Variants in DSCAM observed in about 807,000 individuals in gnomAD.
The protein encoded by DSCAM is DS cell adhesion molecule, also known as cell adhesion molecule DSCAM.
In DSCAM, 47 loss-of-function variants were observed where a neutral mutation model predicts 217.7. The ratio of observed to expected loss-of-function variants is 0.22; its 90% CI spans 0.17 to 0.28. DSCAM has a LOEUF of 0.28. DSCAM is among the 10% of genes least tolerant of loss of function. DSCAM has a pLI of 1.00. For missense variants in DSCAM, 2,080 were observed against 2,618.3 expected (o/e 0.79, Z 4.49); for synonymous variants, 1,056 against 1,015.3 (o/e 1.04, Z -0.76).
intron 3 of DSCAM, among the ~76,000 whole-genome samples, chr21:40,647,393 A>G (rs2089960615): frequency 6.6e-6 from 1 of 152,232 alleles, no homozygotes; most frequent in Non-Finnish European, 1.5e-5. Flanking sequence ...ATTAAATGTT[A>G]TGAAACAATA....
chr21:40,386,619 C>A (rs2075088375), intron 3 of DSCAM, among the ~76,000 whole-genome samples: 1 of 152,210 alleles, frequency 6.6e-6, no homozygotes, highest in Admixed American at 6.5e-5. Context: ...GATCTGGCAC[C>A]ACCTTAACAC....
intron 16 of DSCAM, among the ~76,000 whole-genome samples, chr21:40,148,751 C>G (rs1489309701): frequency 3.9e-5 from 6 of 152,042 alleles, no homozygotes; most frequent in Non-Finnish European, 5.9e-5. Context: ...ATCATCACCA[C>G]CAGCTTCATC....
At chr21:40,699,939 C>A (rs1373280342) in intron 2 of DSCAM, among the ~76,000 whole-genome samples, 3 of 152,090 alleles carry the variant, frequency 2.0e-5, no homozygotes, top group African/African-American at 7.2e-5. Flanking sequence ...CAGAAGATAT[C>A]CTTCTATTAA....
chr21:40,533,607 ATCCATCCAT>A (rs2076470092), intron 3 of DSCAM, among the ~76,000 whole-genome samples: 4 of 149,302 alleles, frequency 2.7e-5, no homozygotes, highest in African/African-American at 1.0e-4. Flanking sequence ...CTGTCTGTCC[ATCCATCCAT>A]CCATCCATCC....
intron 1 of DSCAM, among the ~76,000 whole-genome samples, chr21:40,753,474 T>C (rs2091247546): frequency 6.6e-6 from 1 of 152,182 alleles, no homozygotes; most frequent in South Asian, 2.1e-4. Flanking sequence ...AAGCAACACA[T>C]TTATACAAAG....
Position 40,484,784 on chromosome 21 carries a change from G to A in DSCAM, c.509-115539C>T, listed in dbSNP as rs751009920. Among the ~76,000 whole-genome samples the A allele has an allele frequency of 7.1e-4, 108 of 152,126 alleles. 1 individual carries two copies. The highest frequency in any genetic ancestry group is 3.2e-3 in the Middle Eastern group (1 of 316). ...GCTGTGGTTACCTGTTTTATACAGG[G>A]AGATGTAGGATGAGGACAATTGCCA... is the stretch of plus-strand genomic sequence containing the variant. On this transcript the variant is annotated intron_variant, in intron 3 of 32. Transcript: ENST00000400454.
At chr21:40,026,038 T>G (rs57237141) in intron 32 of DSCAM, among the ~76,000 whole-genome samples, 11,485 of 141,604 alleles carry the variant, frequency 0.081, 1,963 homozygotes, top group East Asian at 0.41. Flanking sequence ...TACACACTGC[T>G]TTGAATGCGT....
In DSCAM at chr21:40,144,826, T is replaced by C. The variant is rs2090335959; in HGVS notation, c.3019-95A>G. 1 of 1,546,460 alleles carries C rather than the reference T, an allele frequency of 6.5e-7. No homozygotes were observed. Among genetic ancestry groups the C allele is most frequent in the Non-Finnish European group, 8.8e-7 (1 of 1,142,584 alleles). ...CCCACGTAGGAAAGCAGAAATAAAG[T>C]GGAGTCATCGCCACGATGCTGGGGC... is the stretch of plus-strand genomic sequence containing the variant. On this transcript the variant is annotated intron_variant, in intron 16 of 32. Coordinates refer to ENST00000400454, the MANE Select transcript of DSCAM (RefSeq NM_001389.5). The surrounding 1 kb of genome is among the most constrained non-coding windows in gnomAD (Gnocchi z 4.8).
At chr21:40,227,280 C>G (rs568802379) in intron 11 of DSCAM, among the ~76,000 whole-genome samples, 175 of 152,300 alleles carry the variant, frequency 1.1e-3, no homozygotes, top group African/African-American at 4.0e-3. Flanking sequence ...AGGCTTCGAG[C>G]TTTTCCAGAA....
At chr21:40,387,181 G>A (rs1157218333) in intron 3 of DSCAM, among the ~76,000 whole-genome samples, 2 of 152,126 alleles carry the variant, frequency 1.3e-5, no homozygotes, top group African/African-American at 4.8e-5. Context: ...GGAAGAGGGG[G>A]GGTGAATACC....
intron 11 of DSCAM, among the ~76,000 whole-genome samples, chr21:40,258,982 G>A (rs141368315): frequency 6.6e-6 from 1 of 152,224 alleles, no homozygotes; most frequent in African/African-American, 2.4e-5. Context: ...TCTGCAGAAA[G>A]TAAAAATGGC....
intron 19 of DSCAM, among the ~76,000 whole-genome samples, chr21:40,124,767 T>C (rs942895047): frequency 2.6e-5 from 4 of 152,144 alleles, no homozygotes; most frequent in African/African-American, 9.7e-5. Flanking sequence ...GATTTTGGAC[T>C]TCTGGCCTCC....
chr21:40,669,033 A>G (rs1568973896), intron 3 of DSCAM, among the ~76,000 whole-genome samples: 4 of 152,134 alleles, frequency 2.6e-5, no homozygotes, highest in South Asian at 2.1e-4. Flanking sequence ...GGGATTGCGT[A>G]TTTCTCTTAT....
At chr21:40,212,718 A>G (rs2091197814) in intron 11 of DSCAM, among the ~76,000 whole-genome samples, 2 of 152,212 alleles carry the variant, frequency 1.3e-5, no homozygotes, top group South Asian at 4.1e-4. Context: ...AAATATATCA[A>G]CATCCCAACC....
chr21:40,439,713 T>C (rs985620063), intron 3 of DSCAM, among the ~76,000 whole-genome samples: 1 of 152,224 alleles, frequency 6.6e-6, no homozygotes, highest in Non-Finnish European at 1.5e-5. Flanking sequence ...CTCACAGTTA[T>C]GATGGCAGGC....
intron 3 of DSCAM, among the ~76,000 whole-genome samples, chr21:40,619,504 AAATAT>A (rs2089450904): frequency 6.6e-6 from 1 of 152,196 alleles, no homozygotes; most frequent in Non-Finnish European, 1.5e-5. Context: ...GCATGAAATA[AAATAT>A]ATCTATTCAA....
intron 11 of DSCAM, among the ~76,000 whole-genome samples, chr21:40,266,643 A>ATATATATATATATATATATATATATT (rs2073533866): frequency 8.8e-6 from 1 of 113,060 alleles, no homozygotes; most frequent in African/African-American, 4.3e-5. Context: ...TTTTATATAT[A>ATATATATATATATATATATATATATT]TATATATATA....
At chr21:40,025,108 T>C (rs1367079180) in intron 32 of DSCAM, among the ~76,000 whole-genome samples, 17 of 128,692 alleles carry the variant, frequency 1.3e-4, no homozygotes, top group Non-Finnish European at 1.7e-5. Flanking sequence ...CAAAGGCCTT[T>C]TCTGCATCTA....
chr21:40,450,574 G>T (rs549640675), intron 3 of DSCAM, among the ~76,000 whole-genome samples: 4 of 152,260 alleles, frequency 2.6e-5, no homozygotes, highest in African/African-American at 9.6e-5. Flanking sequence ...TTGATGAATT[G>T]CCCATATTCA....
Sources: allele counts gnomAD v4.1 joint callset (sites outside exome capture counted in the v4.1 genomes callset), GRCh38; gene constraint gnomAD v4.1.1; non-coding constraint Gnocchi (gnomAD v3.1); transcripts MANE v1.5; gene names NCBI Gene and HGNC (gene_info 2026-07-23, HGNC 2026-07-21).